The following SIM2 variants were observed in gnomAD, a reference collection of about 807,000 sequenced individuals.
SIM2 encodes the protein single-minded homolog 2.
Under a neutral mutation model 64.8 loss-of-function variants are expected in SIM2, and 28 were observed. That is an observed-to-expected ratio of 0.43 (90% CI 0.32 to 0.59). The LOEUF (loss-of-function observed/expected upper bound fraction) is 0.59, where lower values mean the gene tolerates loss of function less well. SIM2 is among the 20% of genes least tolerant of loss of function. SIM2 has a pLI of 0.07. For missense variants in SIM2, 847 were observed against 871.4 expected (o/e 0.97, Z 0.35); for synonymous variants, 408 against 391.1 (o/e 1.04, Z -0.51).
rs2089297731 is a variant in SIM2, at chr21:36,749,444, C to G, written c.*1352C>G. ...ACACCAACTGCTCTCAAAATGTGAA[C>G]TGACTTTTTTTTTTTTTTTTTTGCC... On this transcript the variant is annotated 3_prime_UTR_variant, in exon 11 of 11. Coordinates refer to ENST00000290399, the MANE Select transcript of SIM2 (RefSeq NM_005069.6). 1 of 142,948 alleles carries G rather than the reference C, an allele frequency of 7.0e-6. No individual in the cohort carries two copies. Among genetic ancestry groups the G allele is most frequent in the African/African-American group, 2.6e-5 (1 of 37,950 alleles). 8.9% of individuals were successfully genotyped at this position (142,948 alleles called of 1,614,324 possible).
chr21:36,735,773 G>T (rs1173750908), intron 7 of SIM2, among the ~76,000 whole-genome samples: 1 of 152,198 alleles, frequency 6.6e-6, no homozygotes, highest in African/African-American at 2.4e-5. Flanking sequence ...CTCAAGTTGT[G>T]GGGAGAGGCC....
At chr21:36,712,317 T>G (rs2088688101) in intron 2 of SIM2, among the ~76,000 whole-genome samples, 5 of 152,244 alleles carry the variant, frequency 3.3e-5, no homozygotes. Flanking sequence ...GTTTCTAAAG[T>G]GCTTTAAAAG....
chr21:36,702,865 C>T (rs1336076334), intron 1 of SIM2, among the ~76,000 whole-genome samples: 2 of 147,708 alleles, frequency 1.4e-5, no homozygotes, highest in African/African-American at 5.0e-5. Context: ...ATTGATCTGC[C>T]AAGGGCGGTC....
intron 1 of SIM2, among the ~76,000 whole-genome samples, chr21:36,705,146 G>T (rs1355395278): frequency 2.0e-5 from 3 of 152,232 alleles, no homozygotes; most frequent in African/African-American, 7.2e-5. Context: ...CTTGCAGGGG[G>T]TCGTGCTGCG....
intron 7 of SIM2, among the ~76,000 whole-genome samples, chr21:36,732,180 G>A (rs992852788): frequency 6.6e-6 from 1 of 152,220 alleles, no homozygotes; most frequent in Non-Finnish European, 1.5e-5. Context: ...ACCGCACCCA[G>A]CCACACACTT....
chr21:36,725,768 G>A (rs1186932948), intron 5 of SIM2, among the ~76,000 whole-genome samples: 1 of 152,112 alleles, frequency 6.6e-6, no homozygotes, highest in Non-Finnish European at 1.5e-5. Context: ...CTATAGGCAT[G>A]CACCACCATG....
intron 7 of SIM2, among the ~76,000 whole-genome samples, chr21:36,736,465 A>G (rs1442585038): frequency 6.6e-6 from 1 of 152,194 alleles, no homozygotes; most frequent in Non-Finnish European, 1.5e-5. Flanking sequence ...TGGGAGCAAG[A>G]GTCCACAGGG....
At position 36,745,241 on chromosome 21, in the gene SIM2, G is replaced by A. The variant is rs2089216020; in HGVS notation, c.1576+105G>A. The A allele has an allele frequency of 6.8e-7, 1 of 1,475,046 alleles. No homozygotes were observed. Among genetic ancestry groups the A allele is most frequent in the South Asian group, 1.4e-5 (1 of 69,880 alleles). The allele number at this position is 1,475,046 out of a possible 1,614,324, so 91.4% of individuals were successfully genotyped here. A position where few individuals can be genotyped will look rare whatever the true frequency, so the allele number is the denominator to read the frequency against. Reference sequence around the variant, plus strand: ...GATGGAGACAGAACCCTCACGCTTTGGGCAAACTTGCCCTCTTTCTGCTTC... The same window carrying A: ...GATGGAGACAGAACCCTCACGCTTTAGGCAAACTTGCCCTCTTTCTGCTTC... On this transcript the variant is annotated intron_variant, in intron 10 of 10. Coordinates refer to ENST00000290399, the MANE Select transcript of SIM2 (RefSeq NM_005069.6). The surrounding 1 kb of genome is among the most constrained non-coding windows in gnomAD (Gnocchi z 4.8).
chr21:36,702,157 G>A (rs2088509227), intron 1 of SIM2, among the ~76,000 whole-genome samples: 1 of 152,146 alleles, frequency 6.6e-6, no homozygotes, highest in African/African-American at 2.4e-5. Flanking sequence ...CCAGGCATTT[G>A]GGCTCAGAAT....
chr21:36,747,733 T>C lies in SIM2; in HGVS notation c.1645T>C (p.Tyr549His). 8.0e-7 allele frequency: 1 copy of C among 1,245,648 alleles called. No individual in the cohort carries two copies. The highest frequency in any genetic ancestry group is 1.0e-6 in the Non-Finnish European group (1 of 992,700). 77.2% of individuals were successfully genotyped at this position (1,245,648 alleles called of 1,614,324 possible). A position where few individuals can be genotyped will look rare whatever the true frequency, so the allele number is the denominator to read the frequency against. Residue 549 changes from tyrosine to histidine, a missense_variant, in exon 11 of 11, where the codon TAC becomes CAC. Tyr to His is a moderately conservative substitution (Grantham distance 83, BLOSUM62 2). Coordinates refer to ENST00000290399, the MANE Select transcript of SIM2 (RefSeq NM_005069.6). This position sits in a 1 kb window ranked among gnomAD's most constrained non-coding sequence, Gnocchi z 4.5. ...CCCGAGCTTCCCGAGCTGCGGCCACTACCGCGAGGAGCCCGCGCTGGGCCC... is the reference window on the plus strand; with the variant it reads ...CCCGAGCTTCCCGAGCTGCGGCCACCACCGCGAGGAGCCCGCGCTGGGCCC... ...APPSFPSCGH[Y>H]REEPALGPAK... is the part of the protein sequence containing the mutation.
At chr21:36,704,125 C>G (rs2088545395) in intron 1 of SIM2, among the ~76,000 whole-genome samples, 1 of 152,246 alleles carries the variant, frequency 6.6e-6, no homozygotes. Context: ...GGTTCAAGGT[C>G]TGAACTCTTC....
intron 1 of SIM2, among the ~76,000 whole-genome samples, chr21:36,703,278 G>A (rs1480923481): frequency 6.6e-6 from 1 of 152,166 alleles, no homozygotes; most frequent in Non-Finnish European, 1.5e-5. Context: ...AAGGACTTGG[G>A]GATGTTTTCA....
At chr21:36,746,146 C>G (rs530744599) in intron 10 of SIM2, 22 of 288,800 alleles carry the variant, frequency 7.6e-5, no homozygotes, top group Middle Eastern at 1.5e-3. Context: ...GAAACCCCAT[C>G]TCCACTAAAA....
intron 6 of SIM2, among the ~76,000 whole-genome samples, chr21:36,727,068 C>T (rs533530186): frequency 5.3e-5 from 8 of 152,174 alleles, no homozygotes; most frequent in Admixed American, 2.0e-4. Flanking sequence ...GACAGAGTTC[C>T]GCTCTTTTGC....
chr21:36,717,648 C>T (rs146991651), intron 3 of SIM2, among the ~76,000 whole-genome samples: 3 of 152,064 alleles, frequency 2.0e-5, no homozygotes, highest in East Asian at 1.9e-4. Flanking sequence ...GATTTCACCA[C>T]GTTGGCCAGG....
At chr21:36,710,964 T>A (rs1386414250) in intron 2 of SIM2, among the ~76,000 whole-genome samples, 6 of 152,218 alleles carry the variant, frequency 3.9e-5, no homozygotes, top group Non-Finnish European at 7.3e-5. Flanking sequence ...CTGGGGAACT[T>A]CAATGAAAAC....
intron 7 of SIM2, among the ~76,000 whole-genome samples, chr21:36,739,695 C>T (rs1423671877): frequency 6.6e-6 from 1 of 152,102 alleles, no homozygotes; most frequent in Non-Finnish European, 1.5e-5. Flanking sequence ...GACTGCTTTC[C>T]ACCAACTCAT....
intron 7 of SIM2, among the ~76,000 whole-genome samples, chr21:36,737,386 C>T (rs2123488614): frequency 6.6e-6 from 1 of 152,270 alleles, no homozygotes; most frequent in South Asian, 2.1e-4. Context: ...TCCCCGCTTT[C>T]TTTGTTTCAT....
intron 3 of SIM2, among the ~76,000 whole-genome samples, chr21:36,715,869 A>G (rs1568928744): frequency 1.3e-5 from 2 of 152,206 alleles, no homozygotes; most frequent in Non-Finnish European, 2.9e-5. Flanking sequence ...AAGTGTTGAA[A>G]TAAATCTGCT....
Sources: gnomAD v4.1 joint callset for allele counts (sites outside exome capture counted in the v4.1 genomes callset) on GRCh38, gnomAD v4.1.1 for gene constraint, Gnocchi (gnomAD v3.1) non-coding constraint, MANE v1.5 for transcripts, NCBI Gene and HGNC (gene_info 2026-07-23, HGNC 2026-07-21) for gene names.